UBR2: variants seen among roughly 807,000 people sequenced by gnomAD.
UBR2 encodes ubiquitin protein ligase E3 component n-recognin 2.
In UBR2, 92 loss-of-function variants were observed where a neutral mutation model predicts 247.9. The observed-to-expected ratio is 0.37, with a 90% CI of 0.31 to 0.44. The LOEUF (loss-of-function observed/expected upper bound fraction) is 0.44. Among genes scored for constraint, UBR2 ranks in the 20% least tolerant of loss-of-function variants. UBR2 has a pLI of 1.00. For synonymous variants in UBR2, 672 were observed against 693.5 expected (o/e 0.97, Z 0.49); for missense variants, 1,613 against 2,112.6 (o/e 0.76, Z 4.64).
chr6:42,647,508 A>G (rs1796843682), intron 21 of UBR2, among the ~76,000 whole-genome samples: 1 of 151,660 alleles, frequency 6.6e-6, no homozygotes, highest in South Asian at 2.1e-4. Context: ...AGGCAGGAGA[A>G]TTGCTTGGAC....
In UBR2 at chr6:42,613,006, C is replaced by G. The variant is rs143237990; in HGVS notation, c.985+715C>G. On this transcript the variant is annotated intron_variant, in intron 8 of 46. Coordinates refer to ENST00000372901, the MANE Select transcript of UBR2 (RefSeq NM_001363705.2). ...ATCCCAGCTACTCAGGAGGCTGAGG[C>G]AGGAGAATCACTTGAACCCAGGAAG... Among the ~76,000 whole-genome samples, 1,230 of 152,096 alleles carry G rather than the reference C, an allele frequency of 8.1e-3. 13 individuals are homozygous for G. Among genetic ancestry groups the G allele is most frequent in the African/African-American group, 0.029 (1,194 of 41,490 alleles).
chr6:42,571,691 C>T lies in UBR2; in HGVS notation c.79-2043C>T, dbSNP rs556418299. 2.0e-4 allele frequency among the ~76,000 whole-genome samples: 29 copies of T among 144,140 alleles called. No individual in the cohort carries two copies. In the South Asian group the frequency reaches 5.4e-3, roughly 27 times the overall value. 94.6% of individuals were successfully genotyped at this position (144,140 alleles called of 152,430 possible). On this transcript the variant is annotated intron_variant, in intron 1 of 46. Transcript: ENST00000372901. ...CTGGGAGGCAGAGGTTGCAGTGAGCCGAGATCGTACCACTGCACTCCAGCC... is the reference window on the plus strand; with the variant it reads ...CTGGGAGGCAGAGGTTGCAGTGAGCTGAGATCGTACCACTGCACTCCAGCC...
rs762016028 is a variant in UBR2 at position 42,676,081 on chromosome 6, C to T, written c.4277C>T (p.Ala1426Val). The T allele has an allele frequency of 9.9e-6, 16 of 1,612,772 alleles. No homozygotes were observed. The highest frequency in any genetic ancestry group is 1.4e-5 in the Non-Finnish European group (16 of 1,179,652). ...GTGGGCTTGGTGCTTGCATTTCCTG[C>T]GTTGCAGTGTCAGGATTTTTCAGGG... is the stretch of plus-strand genomic sequence containing the variant. The part of the protein sequence containing the change: ...LLVGLVLAFP[A>V]LQCQDFSGIS... Residue 1426 changes from alanine (A) to valine (V), a missense_variant, in exon 39 of 47, where the codon GCG becomes GTG. Ala to Val is a moderately conservative substitution (Grantham distance 64, BLOSUM62 0). This residue lies in a region of UBR2 where 1,524 missense variants were observed against 1,967.3 expected (regional missense o/e 0.77). Coordinates refer to ENST00000372901, the MANE Select transcript of UBR2 (RefSeq NM_001363705.2).
At chr6:42,623,139 G>T (rs1188876266) in intron 11 of UBR2, among the ~76,000 whole-genome samples, 2 of 152,152 alleles carry the variant, frequency 1.3e-5, no homozygotes, top group Non-Finnish European at 2.9e-5. Flanking sequence ...GATAAAAGCA[G>T]AAATCTTTGT....
chr6:42,634,840 A>C (rs547266614), intron 13 of UBR2, among the ~76,000 whole-genome samples: 1 of 152,322 alleles, frequency 6.6e-6, no homozygotes, highest in Admixed American at 6.5e-5. Context: ...ATCTGTGAAA[A>C]CAATAGCTAC....
intron 35 of UBR2, among the ~76,000 whole-genome samples, 161 bp downstream of exon 35, chr6:42,670,401 A>C (rs1377979487): frequency 6.6e-6 from 1 of 152,224 alleles, no homozygotes; most frequent in Non-Finnish European, 1.5e-5. Context: ...ACAAAATACT[A>C]GATTGATAGT....
At chr6:42,623,986 G>A (rs1036694146) in intron 11 of UBR2, among the ~76,000 whole-genome samples, 4 of 151,378 alleles carry the variant, frequency 2.6e-5, no homozygotes, top group Non-Finnish European at 5.9e-5. Flanking sequence ...TTGTGAGAGA[G>A]ATTAAGTGAT....
intron 43 of UBR2, among the ~76,000 whole-genome samples, chr6:42,683,534 T>A (rs1294346812): frequency 6.6e-6 from 1 of 152,212 alleles, no homozygotes; most frequent in East Asian, 1.9e-4. Context: ...TTATTTTTTC[T>A]TCATTTCTTT....
rs1303233321 is a variant in UBR2 at position 42,618,834 on chromosome 6, T to C, written c.1281+1327T>C. On this transcript the variant is annotated intron_variant, in intron 11 of 46. Coordinates refer to ENST00000372901, the MANE Select transcript of UBR2 (RefSeq NM_001363705.2). ...AATCTACAGAACCGGCCAAGTGGGT[T>C]TGAGGGTTGTTGGACTTGCTGACGA... Among the ~76,000 whole-genome samples, 47 of 152,166 alleles carry C rather than the reference T, an allele frequency of 3.1e-4. 1 individual carries two copies. The highest frequency in any genetic ancestry group is 3.1e-3 in the Admixed American group (47 of 15,278).
intron 2 of UBR2, 93 bp downstream of exon 2, chr6:42,574,086 A>C (rs1791345366): frequency 1.6e-6 from 2 of 1,264,290 alleles, no homozygotes; most frequent in African/African-American, 3.0e-5. Context: ...AAAAATTATG[A>C]AATACCATAT....
chr6:42,662,126 G>C, intron 30 of UBR2, 58 bp from the exon 31 acceptor site: 1 of 1,126,866 alleles, frequency 8.9e-7, no homozygotes, highest in Non-Finnish European at 1.3e-6. Context: ...TTACACATTT[G>C]TTATAGGAAA....
rs1285493215 is a variant in UBR2 at position 42,619,444 on chromosome 6, TA to T, written c.1281+1938del. 60 of 39,982 alleles carry T rather than the reference TA, an allele frequency of 1.5e-3. 4 individuals are homozygous for T. Among genetic ancestry groups the T allele is most frequent in the East Asian group, 0.014 (18 of 1,266 alleles). 2.5% of individuals were successfully genotyped at this position (39,982 alleles called of 1,614,324 possible). ...ATATATATATATATATATATATATA[TA>T]TATATATATTTTTTTTTTTTAGTTC... On this transcript the variant is annotated intron_variant, in intron 11 of 46. Coordinates refer to ENST00000372901, the MANE Select transcript of UBR2 (RefSeq NM_001363705.2).
chr6:42,589,917 G>T (rs1413558835), intron 2 of UBR2, among the ~76,000 whole-genome samples: 6 of 151,978 alleles, frequency 3.9e-5, no homozygotes, highest in Non-Finnish European at 8.8e-5. Flanking sequence ...TGTTATTTTT[G>T]AATGTTAGCA....
At chr6:42,638,519 A>T (rs1375858946) in intron 15 of UBR2, among the ~76,000 whole-genome samples, 4 of 152,188 alleles carry the variant, frequency 2.6e-5, no homozygotes, top group Admixed American at 2.6e-4. Flanking sequence ...GGTACAATAG[A>T]CCATTACCTA....
chr6:42,614,426 A>ACATACGTG (rs1562312273), intron 8 of UBR2, among the ~76,000 whole-genome samples: 1 of 148,424 alleles, frequency 6.7e-6, no homozygotes, highest in Non-Finnish European at 1.5e-5. Flanking sequence ...GTACGTACAT[A>ACATACGTG]TATATGTATG....
chr6:42,670,558 T>C (rs1489389919), intron 35 of UBR2, 102 bp from the exon 36 acceptor site: 2 of 814,616 alleles, frequency 2.5e-6, no homozygotes, highest in Non-Finnish European at 3.7e-6. Context: ...TTGACAATAT[T>C]GTACTTTCTG....
At chr6:42,608,148 A>G (rs1224060192) in intron 7 of UBR2, among the ~76,000 whole-genome samples, 2 of 152,150 alleles carry the variant, frequency 1.3e-5, no homozygotes, top group Non-Finnish European at 2.9e-5. Flanking sequence ...TCCCTACGGT[A>G]TATACCAAGA....
intron 29 of UBR2, 53 bp downstream of exon 29, chr6:42,658,877 G>C: frequency 1.4e-6 from 2 of 1,473,228 alleles, no homozygotes; most frequent in South Asian, 2.9e-5. Flanking sequence ...TCCCAACTAG[G>C]GGCAGTGTTG....
intron 8 of UBR2, 64 bp from the exon 9 acceptor site, chr6:42,615,007 C>G: frequency 1.4e-6 from 2 of 1,404,750 alleles, no homozygotes; most frequent in South Asian, 2.5e-5. Flanking sequence ...TGAACATCTA[C>G]TAAAATGTCA....
Sources: gnomAD v4.1 joint callset for allele counts (sites outside exome capture counted in the v4.1 genomes callset) on GRCh38, gnomAD v4.1.1 for gene constraint, gnomAD v4.1.1 regional missense constraint, MANE v1.5 for transcripts, NCBI Gene and HGNC (gene_info 2026-07-23, HGNC 2026-07-21) for gene names.